The following ETV1 variants were observed in gnomAD, a reference collection of about 807,000 sequenced individuals.
The protein encoded by ETV1 is ETS translocation variant 1.
A neutral mutation model predicts 62.3 loss-of-function variants in ETV1; 27 were observed. The observed-to-expected ratio is 0.43, with a 90% CI of 0.32 to 0.60. The LOEUF (loss-of-function observed/expected upper bound fraction) is 0.60. ETV1 is among the 20% of genes least tolerant of loss of function. The probability of loss-of-function intolerance (pLI) is 0.06; values close to 1 mark genes in which losing one functional copy is unlikely to be tolerated. For missense variants in ETV1, 605 were observed against 605.8 expected, an observed-to-expected ratio of 1.00 and a Z score of 0.01; for synonymous variants, 222 against 199.6, an observed-to-expected ratio of 1.11 and a Z score of -0.94.
chr7:13,973,995 C>T (rs1465059662), intron 6 of ETV1, among the ~76,000 whole-genome samples: 1 of 152,120 alleles, frequency 6.6e-6, no homozygotes, highest in Admixed American at 6.5e-5. Context: ...ACATGTAAGC[C>T]ATGCTGAATG....
intron 6 of ETV1, among the ~76,000 whole-genome samples, chr7:13,970,550 C>G (rs1383209329): frequency 6.6e-6 from 1 of 151,682 alleles, no homozygotes; most frequent in East Asian, 1.9e-4. Flanking sequence ...TTCTTAAATC[C>G]AAAAAAATGC....
In ETV1 at chr7:13,893,177, G is replaced by A. The variant is rs147690106; in HGVS notation, c.*2689C>T. ...TCATCAAGAGACAGCAAACAGCAGT[G>A]AAGATAAAAGCTGAGAGAAGACATT... On this transcript the variant is annotated 3_prime_UTR_variant, in exon 14 of 14. Coordinates refer to ENST00000430479, the MANE Select transcript of ETV1 (RefSeq NM_004956.5). 1.9e-3 allele frequency: 445 copies of A among 232,494 alleles called. 2 individuals are homozygous for A. The highest frequency in any genetic ancestry group is 9.2e-3 in the African/African-American group (419 of 45,424). The allele number at this position is 232,494 out of a possible 1,614,324, so 14.4% of individuals were successfully genotyped here.
chr7:13,930,958 G>C (rs959353677), intron 9 of ETV1, among the ~76,000 whole-genome samples: 2 of 151,776 alleles, frequency 1.3e-5, no homozygotes, highest in Non-Finnish European at 1.5e-5. Flanking sequence ...GTGCCACCAT[G>C]CCTGGCTAAT....
intron 9 of ETV1, among the ~76,000 whole-genome samples, chr7:13,919,565 TACACACAC>T (rs35735011): frequency 2.1e-4 from 29 of 135,472 alleles, no homozygotes; most frequent in Admixed American, 6.7e-4. Flanking sequence ...ATAGAAACCA[TACACACAC>T]ACACACACAC....
At chr7:13,923,573 C>T (rs187828643) in intron 9 of ETV1, among the ~76,000 whole-genome samples, 1 of 152,212 alleles carries the variant, frequency 6.6e-6, no homozygotes, top group Non-Finnish European at 1.5e-5. Flanking sequence ...GTATTTATTT[C>T]ATCATTTTTC....
chr7:13,922,778 A>G (rs1784997808), intron 9 of ETV1, among the ~76,000 whole-genome samples: 1 of 152,200 alleles, frequency 6.6e-6, no homozygotes. Context: ...AGTGTCTTTC[A>G]ACAGCTTTCC....
chr7:13,936,637 T>C (rs1302993919), intron 7 of ETV1, among the ~76,000 whole-genome samples: 1 of 152,208 alleles, frequency 6.6e-6, no homozygotes, highest in Non-Finnish European at 1.5e-5. Flanking sequence ...TTCCTAGGTG[T>C]AACTTTCAGG....
At chr7:13,939,312 TC>T in intron 6 of ETV1, 66 bp from the exon 7 acceptor site, 1 of 1,365,890 alleles carries the variant, frequency 7.3e-7, no homozygotes, top group Non-Finnish European at 9.9e-7. Flanking sequence ...ATTAATGTGT[TC>T]TACTTCTCTT....
chr7:13,913,907 CAG>C, intron 9 of ETV1, among the ~76,000 whole-genome samples: 1 of 93,348 alleles, frequency 1.1e-5, no homozygotes, highest in South Asian at 3.8e-4. Context: ...TTTTTTGAGA[CAG>C]AGTCTCGCTC....
chr7:13,933,419 C>T (rs766169922), intron 8 of ETV1, among the ~76,000 whole-genome samples: 8 of 152,156 alleles, frequency 5.3e-5, no homozygotes, highest in Non-Finnish European at 1.0e-4. Flanking sequence ...TGCTGATGAA[C>T]TCCCAGATAA....
chr7:13,975,521 C>G (rs554338443), intron 6 of ETV1, among the ~76,000 whole-genome samples: 1 of 146,052 alleles, frequency 6.8e-6, no homozygotes, highest in East Asian at 2.1e-4. Flanking sequence ...CAAGATTGCA[C>G]CACTGCACTA....
intron 12 of ETV1, among the ~76,000 whole-genome samples, chr7:13,901,074 G>A (rs1258770348): frequency 6.6e-6 from 1 of 150,876 alleles, no homozygotes; most frequent in Non-Finnish European, 1.5e-5. Flanking sequence ...GCGCGAACTT[G>A]GCTCACTGCA....
chr7:13,902,912 T>C (rs768323963), intron 12 of ETV1, among the ~76,000 whole-genome samples: 1 of 152,200 alleles, frequency 6.6e-6, no homozygotes, highest in African/African-American at 2.4e-5. Context: ...AACAATAAAA[T>C]GTAGTCTTAG....
Position 13,931,165 on chromosome 7 carries a change from T to C in ETV1, c.802+337A>G, listed in dbSNP as rs117444747. ...ACTTTCTGTAAACATTTTTATTAAGTAGCACTGTAGTAGCAAAATAAGAAG... is the reference window on the plus strand; with the variant it reads ...ACTTTCTGTAAACATTTTTATTAAGCAGCACTGTAGTAGCAAAATAAGAAG... On this transcript the variant is annotated intron_variant, in intron 9 of 13. Coordinates refer to ENST00000430479, the MANE Select transcript of ETV1 (RefSeq NM_004956.5). Among the ~76,000 whole-genome samples the C allele has an allele frequency of 2.3e-3, 345 of 152,226 alleles. 1 individual carries two copies. Among genetic ancestry groups the C allele is most frequent in the South Asian group, 8.3e-3 (40 of 4,826 alleles).
chr7:13,988,327 ATAT>A (rs1782739377), intron 3 of ETV1, 154 bp from the exon 4 acceptor site: 2 of 597,332 alleles, frequency 3.3e-6, no homozygotes, highest in Admixed American at 3.3e-5. Flanking sequence ...ATCAACTCTA[ATAT>A]TCATTTTCTC....
At chr7:13,959,056 A>C (rs928979773) in intron 6 of ETV1, 6 of 151,272 alleles carry the variant, frequency 4.0e-5, no homozygotes, top group Non-Finnish European at 5.9e-5. Context: ...AAAAAAAAAA[A>C]AACTATAGAA....
Position 13,989,148 on chromosome 7 carries a change from G to A in ETV1, c.-87-9C>T, listed in dbSNP as rs1349124761. 1.9e-6 allele frequency: 2 copies of A among 1,034,608 alleles called. No individual in the cohort carries two copies. Among genetic ancestry groups the A allele is most frequent in the South Asian group, 2.9e-5 (2 of 68,780 alleles). 64.1% of individuals were successfully genotyped at this position (1,034,608 alleles called of 1,614,324 possible). Reference sequence around the variant, plus strand: ...TCTGGACTTCTATCAACCTAGAGGGGAACAAGATGGCTTTTAGGCTTAAAA... The same window carrying A: ...TCTGGACTTCTATCAACCTAGAGGGAAACAAGATGGCTTTTAGGCTTAAAA... On this transcript the variant is annotated splice_polypyrimidine_tract_variant and intron_variant, in intron 2 of 13. Transcript: ENST00000430479.
At chr7:13,949,150 G>A (rs1788505267) in intron 6 of ETV1, among the ~76,000 whole-genome samples, 1 of 151,508 alleles carries the variant, frequency 6.6e-6, no homozygotes, top group Admixed American at 6.6e-5. Context: ...ATTTCACTTG[G>A]CTATAGCAGT....
chr7:13,943,896 C>T (rs567098686), intron 6 of ETV1, among the ~76,000 whole-genome samples: 1 of 152,116 alleles, frequency 6.6e-6, no homozygotes, highest in Admixed American at 6.6e-5. Context: ...GGACATTAAT[C>T]AAAGCTACAC....
Sources: allele counts gnomAD v4.1 joint callset (sites outside exome capture counted in the v4.1 genomes callset), GRCh38; gene constraint gnomAD v4.1.1; transcripts MANE v1.5; gene names NCBI Gene and HGNC (gene_info 2026-07-23, HGNC 2026-07-21).